The following GTPBP4 variants were observed in gnomAD, a reference collection of about 807,000 sequenced individuals.
GTPBP4 encodes GTP binding protein 4, also known as GTP-binding protein 4.
A neutral mutation model predicts 81.7 loss-of-function variants in GTPBP4; 15 were observed. That is an observed-to-expected ratio of 0.18 (90% CI 0.12 to 0.28). The LOEUF (loss-of-function observed/expected upper bound fraction) is 0.28, where lower values mean the gene tolerates loss of function less well. GTPBP4 is among the 10% of genes least tolerant of loss of function. GTPBP4 has a pLI of 1.00. For missense variants in GTPBP4, 847 were observed against 793.8 expected (o/e 1.07, Z -0.81); for synonymous variants, 272 against 274.6 (o/e 0.99, Z 0.09).
chr10:999,820 G>A (rs1197269464), intron 6 of GTPBP4, among the ~76,000 whole-genome samples: 1 of 152,138 alleles, frequency 6.6e-6, no homozygotes, highest in Non-Finnish European at 1.5e-5. Flanking sequence ...TTAGCTGGAC[G>A]TGGTGGTGGG....
chr10:996,040 A>G lies in GTPBP4; in HGVS notation c.323+8A>G. Reference sequence around the variant, plus strand: ...CAAAAATTTAGTGGACAAGTAAGGTACTTTTTTCTGTAGTGTCTTTTAAGT... The same window carrying G: ...CAAAAATTTAGTGGACAAGTAAGGTGCTTTTTTCTGTAGTGTCTTTTAAGT... On this transcript the variant is annotated splice_region_variant and intron_variant, in intron 3 of 16. Transcript: ENST00000360803. The G allele has an allele frequency of 6.3e-7, 1 of 1,593,918 alleles. No individual in the cohort carries two copies. The highest frequency in any genetic ancestry group is 8.6e-7 in the Non-Finnish European group (1 of 1,162,010).
intron 1 of GTPBP4, among the ~76,000 whole-genome samples, chr10:990,727 CAAAAAA>C (rs35393314): frequency 1.5e-5 from 1 of 66,030 alleles, no homozygotes. Flanking sequence ...GACTCCATCT[CAAAAAA>C]AAAAAAAAAA....
intron 13 of GTPBP4, among the ~76,000 whole-genome samples, chr10:1,011,272 C>A (rs2132172128): frequency 6.6e-6 from 1 of 152,320 alleles, no homozygotes; most frequent in East Asian, 1.9e-4. Flanking sequence ...TGTGTCACAT[C>A]TTTTTCCTGC....
At chr10:1,016,327 C>T (rs192553105) in intron 16 of GTPBP4, among the ~76,000 whole-genome samples, 1 of 152,198 alleles carries the variant, frequency 6.6e-6, no homozygotes, top group African/African-American at 2.4e-5. Flanking sequence ...TTGTTCCCCC[C>T]AGGTGGAGAG....
Position 1,017,158 on chromosome 10 carries a change from C to T in GTPBP4, c.1836C>T (p.His612=), listed in dbSNP as rs367578877. The T allele has an allele frequency of 3.9e-5, 63 of 1,613,456 alleles. No individual in the cohort carries two copies. The highest frequency in any genetic ancestry group is 1.8e-4 in the East Asian group (8 of 44,886). Residue 612 remains histidine (H), a synonymous_variant, in exon 17 of 17, where the codon CAC becomes CAT. Coordinates refer to ENST00000360803, the MANE Select transcript of GTPBP4 (RefSeq NM_012341.3). The part of the protein sequence containing the change: ...RLGKKGEADR[H]VFDMKPKHLL... ...GGAAGAAAGGGGAGGCGGATAGACA[C>T]GTGTTTGATATGAAGCCCAAGCACT...
intron 2 of GTPBP4, 86 bp downstream of exon 2, chr10:992,745 CA>C (rs1831467468): frequency 1.4e-6 from 1 of 734,750 alleles, no homozygotes; most frequent in Non-Finnish European, 2.3e-6. Flanking sequence ...ACTCATTTGA[CA>C]GAAAAGGAAA....
chr10:1,011,402 T>G (rs1831867831), intron 13 of GTPBP4, among the ~76,000 whole-genome samples: 1 of 152,240 alleles, frequency 6.6e-6, no homozygotes, highest in Admixed American at 6.5e-5. Flanking sequence ...TCCTGCCTTC[T>G]TCTCTCAGCT....
In GTPBP4 at chr10:1,019,535, G is replaced by C. The variant is rs779081589; in HGVS notation, c.*2308G>C. On this transcript the variant is annotated 3_prime_UTR_variant, in exon 17 of 17. Transcript: ENST00000360803. ...CTGCCTCTCACACTCTGTGTATTTT[G>C]TGAAGCTCCACAAACGGGGTCACGT... The C allele has an allele frequency of 3.1e-6, 5 of 1,612,874 alleles. No homozygotes were observed. The highest frequency in any genetic ancestry group is 4.2e-6 in the Non-Finnish European group (5 of 1,179,248).
In GTPBP4 at chr10:988,489, T is replaced by G; in HGVS notation, c.10T>G (p.Tyr4Asp). 6.2e-7 allele frequency: 1 copy of G among 1,613,366 alleles called. No individual in the cohort carries two copies. The highest frequency in any genetic ancestry group is 8.5e-7 in the Non-Finnish European group (1 of 1,179,698). ...GCATACGGCTGCCGGCATGGCACAT[T>G]ACAACTTCAAGAAAATTACGGTGGT... MAH[Y>D]NFKKITVVPS... The change falls in exon 1 of 17, where the codon TAC (tyrosine) becomes GAC (aspartate). Residue 4 changes from tyrosine to aspartate, a missense_variant. Transcript: ENST00000360803.
At chr10:1,000,517 G>A (rs1426595442) in intron 6 of GTPBP4, among the ~76,000 whole-genome samples, 160 bp from the exon 7 acceptor site, 4 of 151,634 alleles carry the variant, frequency 2.6e-5, no homozygotes, top group South Asian at 2.1e-4. Flanking sequence ...GATTACAGGT[G>A]TGAGCCACCG....
chr10:1,015,394 GTGGA>G (rs1564472217), intron 15 of GTPBP4, among the ~76,000 whole-genome samples: 4,207 of 127,170 alleles, frequency 0.033, 1,171 homozygotes, highest in African/African-American at 0.051. Context: ...GAGCCTGGGA[GTGGA>G]CCTGGGGTCC....
chr10:1,007,991 C>G, intron 10 of GTPBP4: 1 of 516,292 alleles, frequency 1.9e-6, no homozygotes, highest in East Asian at 5.5e-5. Flanking sequence ...CTTTTTGTCA[C>G]TTGCCTTTTT....
In GTPBP4 at chr10:1,007,111, AC is replaced by A; in HGVS notation, c.1098del (p.Arg367GlyfsTer53). On this transcript the variant is annotated frameshift_variant, in exon 10 of 17. Coordinates refer to ENST00000360803, the MANE Select transcript of GTPBP4 (RefSeq NM_012341.3). LOFTEE classifies it high-confidence loss of function. ...GAATAGACTGCACCTGGCTATCCCA[AC>A]CAGGAGGGACGATAAGGTAAGACGG... ...VLNRLHLAIPTRRDDKERPPF... is the reference protein window; with the variant it reads ...VLNRLHLAIPXRRDDKERPPF... 1 of 1,589,102 alleles carries A rather than the reference AC, an allele frequency of 6.3e-7. No homozygotes were observed. Among genetic ancestry groups the A allele is most frequent in the Non-Finnish European group, 8.6e-7 (1 of 1,157,046 alleles).
chr10:1,016,627 T>G (rs573858876), intron 16 of GTPBP4, among the ~76,000 whole-genome samples: 7 of 152,232 alleles, frequency 4.6e-5, no homozygotes, highest in Non-Finnish European at 7.3e-5. Context: ...CCTTAGCTTG[T>G]GTAAGAGGGA....
chr10:1,010,581 A>C (rs1831835528), intron 13 of GTPBP4, 61 bp downstream of exon 13: 4 of 921,988 alleles, frequency 4.3e-6, no homozygotes, highest in East Asian at 2.4e-5. Context: ...TATTGCTGGA[A>C]GATAGCAGCA....
At chr10:1,007,473 G>A (rs931776998) in intron 10 of GTPBP4, among the ~76,000 whole-genome samples, 3 of 152,128 alleles carry the variant, frequency 2.0e-5, no homozygotes, top group Admixed American at 6.6e-5. Flanking sequence ...AGTAGCTCAC[G>A]CCTGTAATCC....
intron 1 of GTPBP4, chr10:988,894 A>T (rs1172036458): frequency 8.9e-6 from 2 of 224,710 alleles, no homozygotes; most frequent in Non-Finnish European, 1.8e-5. Context: ...GTGGTCCGTG[A>T]TGAGCCTTCG....
In GTPBP4 at chr10:1,017,179, G is replaced by T; in HGVS notation, c.1857G>T (p.Lys619Asn). 2 of 1,614,054 alleles carry T rather than the reference G, an allele frequency of 1.2e-6. No individual in the cohort carries two copies. Among genetic ancestry groups the T allele is most frequent in the East Asian group, 4.5e-5 (2 of 44,892 alleles). The change falls in exon 17 of 17, where the codon AAG becomes AAT. Residue 619 changes from lysine to asparagine, a missense_variant. Transcript: ENST00000360803. The part of the protein sequence containing the change: ...ADRHVFDMKP[K>N]HLLSGKRKAG... ...GACACGTGTTTGATATGAAGCCCAA[G>T]CACTTGCTGTCTGGGAAGAGGAAAG...
At chr10:992,465 A>T (rs778786322) in intron 1 of GTPBP4, 24 bp from the exon 2 acceptor site, 1 of 1,449,266 alleles carries the variant, frequency 6.9e-7, no homozygotes, top group Non-Finnish European at 9.6e-7. Context: ...TGATGTAATT[A>T]TGTTTTATTT....
Sources: allele counts gnomAD v4.1 joint callset (sites outside exome capture counted in the v4.1 genomes callset), GRCh38; gene constraint gnomAD v4.1.1; transcripts MANE v1.5; gene names NCBI Gene and HGNC (gene_info 2026-07-23, HGNC 2026-07-21).